LYG1: variants seen among roughly 807,000 people sequenced by gnomAD.
LYG1 encodes lysozyme g-like protein 1.
A neutral mutation model predicts 21.7 loss-of-function variants in LYG1; 17 were observed. That is an observed-to-expected ratio of 0.78 (90% confidence interval 0.54 to 1.18). LYG1 has a LOEUF of 1.18. LYG1 is among the 50% of genes most tolerant of loss of function. LYG1 has a pLI of 0.00. For synonymous variants in LYG1, 81 were observed against 87.4 expected, an observed-to-expected ratio of 0.93 and a Z score of 0.41; for missense variants, 211 against 238.1, an observed-to-expected ratio of 0.89 and a Z score of 0.75.
chr2:99,294,480 GAATATACTAAAAATT>G (rs1355364340), intron 3 of LYG1, among the ~76,000 whole-genome samples: 3 of 151,232 alleles, frequency 2.0e-5, no homozygotes, highest in Non-Finnish European at 4.4e-5. Context: ...GATCTTTTAT[GAATATACTAAAAATT>G]AAACCAGCTG....
chr2:99,284,941 C>T (rs1028406787), intron 5 of LYG1, 121 bp from the exon 6 acceptor site: 94 of 1,302,708 alleles, frequency 7.2e-5, no homozygotes, highest in African/African-American at 1.8e-4. Flanking sequence ...TTTGATGGAA[C>T]CAATGCCACC....
At chr2:99,285,395 A>T (rs959703690) in intron 5 of LYG1, among the ~76,000 whole-genome samples, 22 of 151,986 alleles carry the variant, frequency 1.4e-4, no homozygotes, top group South Asian at 4.2e-4. Flanking sequence ...AAAAAAAAAA[A>T]ATATTTGCAG....
At chr2:99,286,149 TC>T (rs1186572003) in intron 5 of LYG1, among the ~76,000 whole-genome samples, 1 of 151,620 alleles carries the variant, frequency 6.6e-6, no homozygotes, top group Admixed American at 6.6e-5. Context: ...CTGCAAAGAG[TC>T]CCCACCAGCA....
At chr2:99,289,492 T>C (rs922206576) in intron 5 of LYG1, among the ~76,000 whole-genome samples, 2 of 151,162 alleles carry the variant, frequency 1.3e-5, no homozygotes, top group South Asian at 4.2e-4. Flanking sequence ...ATAGATCTCA[T>C]GTTAATGTTA....
upstream of LYG1, among the ~76,000 whole-genome samples, chr2:99,302,629 T>G (rs1254940643): frequency 6.6e-6 from 1 of 152,196 alleles, no homozygotes; most frequent in Non-Finnish European, 1.5e-5. Flanking sequence ...TCAGTACATG[T>G]TTACGGAATG....
intron 3 of LYG1, among the ~76,000 whole-genome samples, chr2:99,293,707 C>CA (rs1433302424): frequency 6.6e-6 from 1 of 152,152 alleles, no homozygotes; most frequent in Non-Finnish European, 1.5e-5. Context: ...TCTTTCTCTT[C>CA]ACACCAGGAG....
At position 99,292,985 on chromosome 2, in the gene LYG1, CTTTTT is replaced by C. The variant is rs70940159; in HGVS notation, c.44-350_44-346del. On this transcript the variant is annotated intron_variant, in intron 3 of 6. Coordinates refer to ENST00000308528, the MANE Select transcript of LYG1 (RefSeq NM_174898.3). ...TCCCTGTAAAGTAGTCCTCATCTTA[CTTTTT>C]TTTTTTTTTTTTTTTTTTTGAGATG... Among the ~76,000 whole-genome samples the C allele has an allele frequency of 3.9e-3, 326 of 83,144 alleles. 2 individuals carry two copies. The highest frequency in any genetic ancestry group is 0.014 in the African/African-American group (283 of 20,364). 54.5% of individuals were successfully genotyped at this position (83,144 alleles called of 152,430 possible). A position where few individuals can be genotyped will look rare whatever the true frequency, so the allele number is the denominator to read the frequency against.
At chr2:99,294,393 C>T (rs918094704) in intron 3 of LYG1, among the ~76,000 whole-genome samples, 2 of 152,088 alleles carry the variant, frequency 1.3e-5, no homozygotes, top group African/African-American at 2.4e-5. Context: ...GATAAATACT[C>T]GTCTTTTGGA....
At chr2:99,303,435 C>G (rs2094159754), upstream of LYG1, among the ~76,000 whole-genome samples, 1 of 152,078 alleles carries the variant, frequency 6.6e-6, no homozygotes, top group African/African-American at 2.4e-5. Flanking sequence ...GGCAAAGGCT[C>G]CACAGAGACG....
chr2:99,292,075 T>C lies in LYG1; in HGVS notation c.148+461A>G, dbSNP rs551909935. Among the ~76,000 whole-genome samples, 4 of 151,932 alleles carry C rather than the reference T, an allele frequency of 2.6e-5. No homozygotes were observed. In the East Asian group the frequency reaches 7.8e-4, roughly 30 times the overall value. On this transcript the variant is annotated intron_variant, in intron 4 of 6. Coordinates refer to ENST00000308528, the MANE Select transcript of LYG1 (RefSeq NM_174898.3). Reference sequence around the variant, plus strand: ...GCCAAAGAGGGAGGATCACCTGAGGTCAGGAGTTCGAGACCAGCCTGACCA... The same window carrying C: ...GCCAAAGAGGGAGGATCACCTGAGGCCAGGAGTTCGAGACCAGCCTGACCA...
At chr2:99,303,999 G>A (rs1040328797), upstream of LYG1, among the ~76,000 whole-genome samples, 5 of 152,128 alleles carry the variant, frequency 3.3e-5, no homozygotes, top group East Asian at 1.9e-4. Context: ...GTGAAACCCC[G>A]TCTCCACTAA....
At chr2:99,284,967 G>T in intron 5 of LYG1, 147 bp from the exon 6 acceptor site, 1 of 1,163,026 alleles carries the variant, frequency 8.6e-7, no homozygotes, top group Non-Finnish European at 1.2e-6. Context: ...TCTCCTGTGA[G>T]GTAGGTTAGA....
chr2:99,301,666 G>A (rs1366780497), upstream of LYG1, among the ~76,000 whole-genome samples: 2 of 143,264 alleles, frequency 1.4e-5, no homozygotes, highest in African/African-American at 2.5e-5. Context: ...TGACATTGTA[G>A]CATGAGAGTG....
chr2:99,303,810 T>G (rs1325501946), upstream of LYG1, among the ~76,000 whole-genome samples: 3 of 151,964 alleles, frequency 2.0e-5, no homozygotes, highest in African/African-American at 7.3e-5. Flanking sequence ...AATTGAATCA[T>G]GGAGGCAGTT....
In LYG1 at chr2:99,292,331, T is replaced by A. The variant is rs538366122; in HGVS notation, c.148+205A>T. 3.3e-5 allele frequency among the ~76,000 whole-genome samples: 5 copies of A among 152,220 alleles called. No homozygotes were observed. The East Asian group carries it at 9.6e-4, about 29-fold the overall frequency. ...AAAATAAAAAGCACCCTTGTCCACA[T>A]TGTGTCAATCAGAGCTCACAACAAC... On this transcript the variant is annotated intron_variant, in intron 4 of 6. Transcript: ENST00000308528.
rs914437625 is a variant in LYG1 at position 99,291,536 on chromosome 2, A to G, written c.149-115T>C. 9 of 1,202,072 alleles carry G rather than the reference A, an allele frequency of 7.5e-6. No homozygotes were observed. The South Asian group carries it at 1.4e-4, about 18-fold the overall frequency. The allele number at this position is 1,202,072 out of a possible 1,614,324, so 74.5% of individuals were successfully genotyped here. A position where few individuals can be genotyped will look rare whatever the true frequency, so the allele number is the denominator to read the frequency against. Reference sequence around the variant, plus strand: ...TCTGAGTAATGGTCGAGGACTGACAATCCCAGATTTTGGTCTTAAATCTTT... The same window carrying G: ...TCTGAGTAATGGTCGAGGACTGACAGTCCCAGATTTTGGTCTTAAATCTTT... On this transcript the variant is annotated intron_variant, in intron 4 of 6. Coordinates refer to ENST00000308528, the MANE Select transcript of LYG1 (RefSeq NM_174898.3).
chr2:99,301,485 A>G (rs200220818), upstream of LYG1, among the ~76,000 whole-genome samples: 12 of 38,920 alleles, frequency 3.1e-4, no homozygotes, highest in Non-Finnish European at 7.7e-4. Context: ...GGGAAGGAAG[A>G]AAGAAAAGGA....
In LYG1 at chr2:99,285,966, T is replaced by C. The variant is rs1331634383; in HGVS notation, c.334-1146A>G. Among the ~76,000 whole-genome samples, 10 of 152,308 alleles carry C rather than the reference T, an allele frequency of 6.6e-5. No homozygotes were observed. The East Asian group carries it at 1.9e-3, about 29-fold the overall frequency. ...AAACTTAATCCCCGATGTGGCAGTA[T>C]TGAGAGGTGGGGCTTTTAAGAGGTG... On this transcript the variant is annotated intron_variant, in intron 5 of 6. Coordinates refer to ENST00000308528, the MANE Select transcript of LYG1 (RefSeq NM_174898.3).
chr2:99,297,496 G>T (rs1482169730), intron 2 of LYG1, among the ~76,000 whole-genome samples: 1 of 152,178 alleles, frequency 6.6e-6, no homozygotes, highest in Non-Finnish European at 1.5e-5. Context: ...GGAAACCCAA[G>T]TGGAAGGACT....
Sources: gnomAD v4.1 joint callset for allele counts (sites outside exome capture counted in the v4.1 genomes callset) on GRCh38, gnomAD v4.1.1 for gene constraint, MANE v1.5 for transcripts, NCBI Gene and HGNC (gene_info 2026-07-23, HGNC 2026-07-21) for gene names.